The following PHLPP1 variants were observed in gnomAD, a reference collection of about 807,000 sequenced individuals.
The protein encoded by PHLPP1 is PH domain leucine-rich repeat-containing protein phosphatase 1.
PHLPP1 carries 42 observed loss-of-function variants against 117.2 expected under a neutral mutation model. That is an observed-to-expected ratio of 0.36 (90% CI 0.28 to 0.46). The LOEUF (loss-of-function observed/expected upper bound fraction) is 0.46. PHLPP1 is among the 20% of genes least tolerant of loss of function. The probability of loss-of-function intolerance (pLI) is 1.00; values close to 1 mark genes in which losing one functional copy is unlikely to be tolerated. For synonymous variants in PHLPP1, 1,042 were observed against 970.7 expected (o/e 1.07, Z -1.37); for missense variants, 2,084 against 2,241.9 (o/e 0.93, Z 1.42).
At chr18:62,723,326 G>A (rs1910977683) in intron 1 of PHLPP1, among the ~76,000 whole-genome samples, 1 of 152,194 alleles carries the variant, frequency 6.6e-6, no homozygotes, top group South Asian at 2.1e-4. Flanking sequence ...AAGTAAATTA[G>A]CCTTGCTTCT....
intron 6 of PHLPP1, among the ~76,000 whole-genome samples, chr18:62,900,960 A>T (rs1916709175): frequency 6.6e-6 from 1 of 152,242 alleles, no homozygotes; most frequent in Non-Finnish European, 1.5e-5. Flanking sequence ...AAAACGGTTC[A>T]TCCTAAGTAG....
chr18:62,948,790 G>A (rs1453206407), intron 12 of PHLPP1, among the ~76,000 whole-genome samples: 1 of 151,802 alleles, frequency 6.6e-6, no homozygotes, highest in Non-Finnish European at 1.5e-5. Flanking sequence ...TCTTGAAAAA[G>A]ATAGTAGTTA....
chr18:62,868,626 A>G (rs1439787644), intron 4 of PHLPP1, among the ~76,000 whole-genome samples: 1 of 151,890 alleles, frequency 6.6e-6, no homozygotes, highest in African/African-American at 2.4e-5. Context: ...TGTCTCAAAA[A>G]AAAAAAAAAA....
intron 1 of PHLPP1, among the ~76,000 whole-genome samples, chr18:62,790,232 A>C (rs140121800): frequency 3.9e-5 from 6 of 152,294 alleles, no homozygotes; most frequent in Non-Finnish European, 8.8e-5. Flanking sequence ...AGGCTAGCGA[A>C]AAAAGACCTC....
At position 62,715,758 on chromosome 18, in the gene PHLPP1, G is replaced by T. The variant is rs1207414452; in HGVS notation, c.75G>T (p.Ala25=). 4.5e-6 allele frequency: 5 copies of T among 1,103,810 alleles called. No individual in the cohort carries two copies. Among genetic ancestry groups the T allele is most frequent in the Non-Finnish European group, 5.6e-6 (5 of 896,248 alleles). The allele number at this position is 1,103,810 out of a possible 1,614,324, so 68.4% of individuals were successfully genotyped here. A position where few individuals can be genotyped will look rare whatever the true frequency, so the allele number is the denominator to read the frequency against. Residue 25 remains alanine (A), a synonymous_variant, in exon 1 of 17, where the codon GCG becomes GCT. Transcript: ENST00000262719. The stretch of plus-strand genomic sequence containing the variant: ...GGGAGGACCGAGCTTCGGCTCCGGC[G>T]GCCGCCGCTGCGGCAGCAGCAGCAG... ...LGREDRASAP[A]AAAAAAAAAA...
intron 16 of PHLPP1, among the ~76,000 whole-genome samples, chr18:62,976,187 T>C (rs1455335052): frequency 6.6e-6 from 1 of 152,186 alleles, no homozygotes; most frequent in Admixed American, 6.5e-5. Flanking sequence ...TTTGGCAACA[T>C]ATGGAGACAT....
At chr18:62,916,159 A>G (rs1041478114) in intron 9 of PHLPP1, among the ~76,000 whole-genome samples, 1 of 152,098 alleles carries the variant, frequency 6.6e-6, no homozygotes, top group Non-Finnish European at 1.5e-5. Context: ...CCAGCCAGCC[A>G]TTAGCCAAGT....
chr18:62,837,262 G>T (rs886438248), intron 2 of PHLPP1, among the ~76,000 whole-genome samples: 1 of 152,312 alleles, frequency 6.6e-6, no homozygotes, highest in East Asian at 1.9e-4. Flanking sequence ...GAAGTGCTGG[G>T]ATTACAAGTG....
intron 1 of PHLPP1, among the ~76,000 whole-genome samples, chr18:62,809,771 T>A (rs889185711): frequency 1.1e-4 from 16 of 152,226 alleles, no homozygotes; most frequent in Non-Finnish European, 1.5e-4. Flanking sequence ...ACTATTTTTT[T>A]AAAAACATTC....
chr18:62,802,424 C>G (rs148915367), intron 1 of PHLPP1, among the ~76,000 whole-genome samples: 1 of 151,992 alleles, frequency 6.6e-6, no homozygotes, highest in East Asian at 1.9e-4. Context: ...ATTAACACAC[C>G]CTCCCAAGCA....
At chr18:62,894,268 T>A (rs1360724174) in intron 4 of PHLPP1, among the ~76,000 whole-genome samples, 1 of 152,180 alleles carries the variant, frequency 6.6e-6, no homozygotes, top group African/African-American at 2.4e-5. Flanking sequence ...CAATCTCAGC[T>A]CACTGCAACC....
At chr18:62,842,552 C>T (rs1030043546) in intron 3 of PHLPP1, among the ~76,000 whole-genome samples, 6 of 151,498 alleles carry the variant, frequency 4.0e-5, no homozygotes, top group African/African-American at 1.5e-4. Flanking sequence ...TTAGTAGAAA[C>T]GGGATTTCAC....
intron 1 of PHLPP1, among the ~76,000 whole-genome samples, chr18:62,759,062 TAGAG>T (rs1912125485): frequency 2.6e-5 from 4 of 152,178 alleles, no homozygotes; most frequent in Admixed American, 2.6e-4. Flanking sequence ...GTACATAGGA[TAGAG>T]AGAACAGTCC....
chr18:62,862,359 G>T (rs1482403342), intron 4 of PHLPP1, among the ~76,000 whole-genome samples: 1 of 151,988 alleles, frequency 6.6e-6, no homozygotes, highest in Non-Finnish European at 1.5e-5. Flanking sequence ...GGGATTACAG[G>T]TGTGAACCAC....
At chr18:62,831,976 A>G (rs892527779) in intron 2 of PHLPP1, among the ~76,000 whole-genome samples, 4 of 152,206 alleles carry the variant, frequency 2.6e-5, no homozygotes, top group African/African-American at 9.7e-5. Context: ...ATATACTAAG[A>G]TTTTGCCCTG....
chr18:62,929,796 A>T (rs940979853), intron 10 of PHLPP1, among the ~76,000 whole-genome samples: 5 of 152,146 alleles, frequency 3.3e-5, no homozygotes, highest in Admixed American at 1.3e-4. Flanking sequence ...AAGAATTTTT[A>T]AAATTAGCCA....
intron 8 of PHLPP1, among the ~76,000 whole-genome samples, chr18:62,913,162 A>G (rs1479388270): frequency 6.6e-6 from 1 of 152,184 alleles, no homozygotes; most frequent in Non-Finnish European, 1.5e-5. Context: ...CACAGTGTTT[A>G]CTAGGTCAGG....
At chr18:62,920,278 G>A (rs1909423800) in intron 10 of PHLPP1, among the ~76,000 whole-genome samples, 164 bp downstream of exon 10, 1 of 152,166 alleles carries the variant, frequency 6.6e-6, no homozygotes, top group Non-Finnish European at 1.5e-5. Flanking sequence ...TTTTGTAGGC[G>A]ATGGAGTCAG....
intron 2 of PHLPP1, among the ~76,000 whole-genome samples, chr18:62,830,741 A>G (rs747745927): frequency 6.6e-6 from 1 of 152,134 alleles, no homozygotes; most frequent in Non-Finnish European, 1.5e-5. Context: ...TTGTTTCATT[A>G]GTTATGTGCA....
Sources: gnomAD v4.1 joint callset for allele counts (sites outside exome capture counted in the v4.1 genomes callset) on GRCh38, gnomAD v4.1.1 for gene constraint, MANE v1.5 for transcripts, NCBI Gene and HGNC (gene_info 2026-07-23, HGNC 2026-07-21) for gene names.